RNGTT: variants seen among roughly 807,000 people sequenced by gnomAD.
The protein encoded by RNGTT is RNA guanylyltransferase and 5'-phosphatase.
RNGTT carries 33 observed loss-of-function variants against 79.3 expected under a neutral mutation model. The ratio of observed to expected loss-of-function variants is 0.42; its 90% confidence interval spans 0.32 to 0.56. The LOEUF is 0.56. Among genes scored for constraint, RNGTT ranks in the 20% least tolerant of loss-of-function variants. The probability of loss-of-function intolerance (pLI) is 0.17; values close to 1 mark genes in which losing one functional copy is unlikely to be tolerated. For missense variants in RNGTT, 497 were observed against 739.1 expected, an observed-to-expected ratio of 0.67 and a Z score of 3.80; for synonymous variants, 222 against 235.9, an observed-to-expected ratio of 0.94 and a Z score of 0.54.
chr6:88,616,482 G>A (rs1357079761), intron 14 of RNGTT, among the ~76,000 whole-genome samples: 1 of 151,854 alleles, frequency 6.6e-6, no homozygotes, highest in Non-Finnish European at 1.5e-5. Flanking sequence ...GGGTTCCAAT[G>A]TCACATCCTT....
intron 14 of RNGTT, among the ~76,000 whole-genome samples, chr6:88,633,823 T>G (rs942387842): frequency 1.3e-5 from 2 of 152,082 alleles, no homozygotes; most frequent in African/African-American, 4.8e-5. Flanking sequence ...CTTAAAACCA[T>G]GCTGCCACAT....
In RNGTT at chr6:88,612,798, T is replaced by C; in HGVS notation, c.1715A>G (p.Gln572Arg). The C allele has an allele frequency of 1.9e-6, 3 of 1,613,702 alleles. No individual in the cohort carries two copies. Among genetic ancestry groups the C allele is most frequent in the Non-Finnish European group, 2.5e-6 (3 of 1,179,962 alleles). Residue 572 changes from glutamine to arginine, a missense_variant, in exon 16 of 16, where the codon CAG (glutamine) becomes CGG (arginine). By Grantham distance (43) the Gln-to-Arg change is conservative (BLOSUM62 1). Around this residue, in one of 3 missense-constraint regions of RNGTT, gnomAD observed 53 missense variants for 50.5 expected, o/e 1.05. Coordinates refer to ENST00000369485, the MANE Select transcript of RNGTT (RefSeq NM_003800.5). ...IDRCTAASQG[Q>R]KRKHHLDPDT... ...AGGGTCCAGATGATGTTTTCGCTTC[T>C]GTCCTTGAGAAGCTGCAGTACATCT...
intron 12 of RNGTT, among the ~76,000 whole-genome samples, chr6:88,795,690 A>T (rs1562256954): frequency 6.8e-6 from 1 of 147,456 alleles, no homozygotes. Context: ...ATAATTTTTT[A>T]AAAACCACCA....
chr6:88,879,578 C>T (rs7741442), intron 8 of RNGTT, among the ~76,000 whole-genome samples: 2,915 of 151,630 alleles, frequency 0.019, 101 homozygotes, highest in African/African-American at 0.066. Flanking sequence ...GCATAGGACA[C>T]GATTTTCATG....
intron 13 of RNGTT, among the ~76,000 whole-genome samples, chr6:88,692,764 G>C (rs1380840308): frequency 6.6e-6 from 1 of 152,010 alleles, no homozygotes; most frequent in African/African-American, 2.4e-5. Context: ...CTTTAAATAT[G>C]TGCAGTTTAT....
chr6:88,903,106 T>A (rs1040403158), intron 6 of RNGTT, among the ~76,000 whole-genome samples: 2 of 152,182 alleles, frequency 1.3e-5, no homozygotes, highest in African/African-American at 4.8e-5. Flanking sequence ...GAAAGGAACA[T>A]ACCACTAGTG....
At chr6:88,862,599 G>A (rs1003176242) in intron 8 of RNGTT, among the ~76,000 whole-genome samples, 1 of 152,218 alleles carries the variant, frequency 6.6e-6, no homozygotes, top group South Asian at 2.1e-4. Flanking sequence ...AGGGGGTTGT[G>A]AGAACTCCAA....
intron 4 of RNGTT, among the ~76,000 whole-genome samples, chr6:88,916,965 C>G (rs918053947): frequency 1.3e-5 from 2 of 152,204 alleles, no homozygotes; most frequent in African/African-American, 4.8e-5. Context: ...TTCTACTTAA[C>G]CCTTCTGAAT....
At chr6:88,960,108 C>A (rs1326132245) in intron 1 of RNGTT, among the ~76,000 whole-genome samples, 1 of 152,204 alleles carries the variant, frequency 6.6e-6, no homozygotes, top group Non-Finnish European at 1.5e-5. Flanking sequence ...CCATCATATA[C>A]CACAATAGAG....
chr6:88,913,041 T>G (rs1210567423), intron 4 of RNGTT, among the ~76,000 whole-genome samples: 1 of 151,286 alleles, frequency 6.6e-6, no homozygotes, highest in Non-Finnish European at 1.5e-5. Context: ...CCATCTCTAT[T>G]AAAAACACAA....
chr6:88,724,100 T>TA (rs1277254072), intron 13 of RNGTT, among the ~76,000 whole-genome samples: 1 of 152,174 alleles, frequency 6.6e-6, no homozygotes, highest in South Asian at 2.1e-4. Flanking sequence ...GTTTGTAAAG[T>TA]AAAAAAGTTA....
At chr6:88,689,333 C>T (rs1363006738) in intron 13 of RNGTT, among the ~76,000 whole-genome samples, 2 of 152,136 alleles carry the variant, frequency 1.3e-5, no homozygotes, top group African/African-American at 4.8e-5. Flanking sequence ...GGTGTGGTGG[C>T]TCACACCTAT....
At chr6:88,921,452 A>G (rs1021387558) in intron 4 of RNGTT, among the ~76,000 whole-genome samples, 2 of 152,218 alleles carry the variant, frequency 1.3e-5, no homozygotes, top group African/African-American at 2.4e-5. Flanking sequence ...ATGGAAATAT[A>G]AAGTTCTTGA....
chr6:88,721,767 T>C (rs1453285662), intron 13 of RNGTT, among the ~76,000 whole-genome samples: 1 of 152,216 alleles, frequency 6.6e-6, no homozygotes, highest in Middle Eastern at 3.4e-3. Flanking sequence ...CCACTGCCTT[T>C]AAATATTCTA....
At chr6:88,951,350 G>C (rs12173765) in intron 1 of RNGTT, among the ~76,000 whole-genome samples, 6,255 of 152,282 alleles carry the variant, frequency 0.041, 187 homozygotes, top group African/African-American at 0.076. Context: ...ACATAAACTT[G>C]ATTGATAAAG....
intron 12 of RNGTT, among the ~76,000 whole-genome samples, chr6:88,783,752 G>A (rs1328154652): frequency 6.7e-6 from 1 of 149,700 alleles, no homozygotes; most frequent in Non-Finnish European, 1.5e-5. Flanking sequence ...TGTTGTGGGG[G>A]CTGTTCCGTG....
At chr6:88,685,606 A>C (rs576030964) in intron 13 of RNGTT, among the ~76,000 whole-genome samples, 1 of 151,976 alleles carries the variant, frequency 6.6e-6, no homozygotes, top group African/African-American at 2.4e-5. Context: ...AAAAGAAGCA[A>C]AGAAAACCAT....
At chr6:88,817,316 A>T (rs1198399306) in intron 11 of RNGTT, among the ~76,000 whole-genome samples, 1 of 151,846 alleles carries the variant, frequency 6.6e-6, no homozygotes, top group Non-Finnish European at 1.5e-5. Flanking sequence ...CATTTTTTGG[A>T]TCTTTTACAG....
At chr6:88,872,483 T>G (rs966816051) in intron 8 of RNGTT, among the ~76,000 whole-genome samples, 1 of 152,182 alleles carries the variant, frequency 6.6e-6, no homozygotes, top group African/African-American at 2.4e-5. Context: ...AGGGTGACTA[T>G]AGTCAACAAT....
Sources: allele counts gnomAD v4.1 joint callset (sites outside exome capture counted in the v4.1 genomes callset), GRCh38; gene constraint gnomAD v4.1.1; regional missense constraint gnomAD v4.1.1; transcripts MANE v1.5; gene names NCBI Gene and HGNC (gene_info 2026-07-23, HGNC 2026-07-21).